Variants in BRINP3 observed in about 807,000 individuals in gnomAD.
The protein encoded by BRINP3 is BMP/retinoic acid-inducible neural-specific protein 3.
In BRINP3, 19 loss-of-function variants were observed where a neutral mutation model predicts 71.0. The ratio of observed to expected loss-of-function variants is 0.27; its 90% CI spans 0.19 to 0.39. The LOEUF (loss-of-function observed/expected upper bound fraction) is 0.39. BRINP3 is among the 10% of genes least tolerant of loss of function. The pLI is 1.00. For missense variants in BRINP3, 959 were observed against 940.8 expected (o/e 1.02, Z -0.25); for synonymous variants, 380 against 337.7 (o/e 1.13, Z -1.37).
rs113760872 is a variant in BRINP3 at position 190,153,713 on chromosome 1, G to A, written c.1184+6955C>T. ...TAGATTCTATAATATTAAAGAATTT[G>A]GGTCAGCCATGGTGGCTCATGCCTG... On this transcript the variant is annotated intron_variant, in intron 7 of 7. Transcript: ENST00000367462. Among the ~76,000 whole-genome samples, 532 of 152,158 alleles carry A rather than the reference G, an allele frequency of 3.5e-3. 4 individuals are homozygous for A. The highest frequency in any genetic ancestry group is 0.012 in the African/African-American group (504 of 41,524).
At chr1:190,274,626 A>C (rs1662392994) in intron 3 of BRINP3, among the ~76,000 whole-genome samples, 1 of 151,666 alleles carries the variant, frequency 6.6e-6, no homozygotes, top group African/African-American at 2.4e-5. Flanking sequence ...CCATATTATT[A>C]CTTGTGCTAA....
chr1:190,120,753 C>A (rs1005444529), intron 7 of BRINP3, among the ~76,000 whole-genome samples: 1 of 151,846 alleles, frequency 6.6e-6, no homozygotes, highest in Non-Finnish European at 1.5e-5. Context: ...TCCACCGCCT[C>A]GGCCTCCCAA....
At chr1:190,105,308 C>G in intron 7 of BRINP3, among the ~76,000 whole-genome samples, 1 of 152,114 alleles carries the variant, frequency 6.6e-6, no homozygotes, top group Admixed American at 6.6e-5. Flanking sequence ...CATACACACA[C>G]ACACACTTTA....
chr1:190,283,486 A>C (rs543650707), intron 2 of BRINP3, among the ~76,000 whole-genome samples: 1 of 151,810 alleles, frequency 6.6e-6, no homozygotes, highest in Non-Finnish European at 1.5e-5. Flanking sequence ...TATAGGCTGA[A>C]TTTATTATAA....
intron 2 of BRINP3, among the ~76,000 whole-genome samples, chr1:190,306,704 A>G (rs1665127112): frequency 6.6e-6 from 1 of 151,884 alleles, no homozygotes; most frequent in South Asian, 2.1e-4. Context: ...CAACTATTTT[A>G]GCACAGATAA....
chr1:190,437,606 G>A (rs552147431), intron 2 of BRINP3, among the ~76,000 whole-genome samples: 1 of 151,882 alleles, frequency 6.6e-6, no homozygotes, highest in Non-Finnish European at 1.5e-5. Context: ...ACACTCACGT[G>A]CAGTGGTAAG....
Position 190,264,965 on chromosome 1 carries a change from G to T in BRINP3, c.518C>A (p.Thr173Asn), listed in dbSNP as rs201785882. 36 of 1,612,800 alleles carry T rather than the reference G, an allele frequency of 2.2e-5. No individual in the cohort carries two copies. In the East Asian group the frequency reaches 6.0e-4, roughly 27 times the overall value. ...GGCTAGCTGATGTAGCGTCTCCAGA[G>T]TGACCGAAGAGCTATTGGTGGTGGA... ...SDSTTNSSSV[T>N]LETLHQLAAS... Residue 173 changes from threonine (T) to asparagine (N), a missense_variant, in exon 4 of 8, where the codon ACT (threonine) becomes AAT (asparagine). Physicochemically the swap from Thr to Asn is moderately conservative, Grantham distance 65. Coordinates refer to ENST00000367462, the MANE Select transcript of BRINP3 (RefSeq NM_199051.3).
chr1:190,150,920 C>G (rs192337565), intron 7 of BRINP3, among the ~76,000 whole-genome samples: 1 of 151,956 alleles, frequency 6.6e-6, no homozygotes, highest in Non-Finnish European at 1.5e-5. Context: ...TTCTGATATA[C>G]GAGATGGGAT....
chr1:190,251,501 G>A (rs1037050003), intron 4 of BRINP3, among the ~76,000 whole-genome samples: 3 of 151,898 alleles, frequency 2.0e-5, no homozygotes, highest in African/African-American at 7.2e-5. Flanking sequence ...TAGAATTAGA[G>A]CTCTTCATTT....
intron 6 of BRINP3, among the ~76,000 whole-genome samples, chr1:190,197,923 G>C (rs1468401909): frequency 6.6e-6 from 1 of 152,094 alleles, no homozygotes; most frequent in Admixed American, 6.6e-5. Context: ...CCTTAACAGA[G>C]GGTCCCCATA....
intron 6 of BRINP3, among the ~76,000 whole-genome samples, chr1:190,180,778 C>T (rs1346198055): frequency 6.6e-6 from 1 of 151,914 alleles, no homozygotes; most frequent in Non-Finnish European, 1.5e-5. Flanking sequence ...CTTTATATAA[C>T]ACGTCATTAT....
chr1:190,468,873 T>C (rs918712237), intron 1 of BRINP3, among the ~76,000 whole-genome samples: 1 of 151,046 alleles, frequency 6.6e-6, no homozygotes, highest in Non-Finnish European at 1.5e-5. Context: ...ATTTTTTTTT[T>C]CAGGAGACCC....
Position 190,453,201 on chromosome 1 carries a change from G to GTTTTTTTT in BRINP3, c.236+1453_236+1454insAAAAAAAA, listed in dbSNP as rs745819844. 2.6e-3 allele frequency among the ~76,000 whole-genome samples: 100 copies of GTTTTTTTT among 37,824 alleles called. 1 individual carries two copies. Among genetic ancestry groups the GTTTTTTTT allele is most frequent in the Non-Finnish European group, 5.2e-3 (85 of 16,408 alleles). The allele number at this position is 37,824 out of a possible 152,430, so 24.8% of individuals were successfully genotyped here. A position where few individuals can be genotyped will look rare whatever the true frequency, so the allele number is the denominator to read the frequency against. ...CTACTTTTCAGAAAGAAAAACTTTA[G>GTTTTTTTT]TATTTTTTTTTTTTTTTTTTTTTTT... On this transcript the variant is annotated intron_variant, in intron 2 of 7. Coordinates refer to ENST00000367462, the MANE Select transcript of BRINP3 (RefSeq NM_199051.3).
At chr1:190,470,263 T>C (rs371253157) in intron 1 of BRINP3, among the ~76,000 whole-genome samples, 61 of 151,092 alleles carry the variant, frequency 4.0e-4, no homozygotes, top group African/African-American at 1.4e-3. Flanking sequence ...TATCTATAAG[T>C]ATTCTTTCAC....
At chr1:190,308,406 A>T (rs1408350371) in intron 2 of BRINP3, among the ~76,000 whole-genome samples, 1 of 151,706 alleles carries the variant, frequency 6.6e-6, no homozygotes, top group East Asian at 1.9e-4. Context: ...TTCCAGCTTC[A>T]TCCTTGTCTC....
rs371343068 is a variant in BRINP3, at chr1:190,145,793, G to A, written c.1184+14875C>T. The stretch of plus-strand genomic sequence containing the variant: ...CAACCTAACTGCCCATCAACCAAAG[G>A]GTGAATAAAGAAAATGTTATTATGT... On this transcript the variant is annotated intron_variant, in intron 7 of 7. Transcript: ENST00000367462. Among the ~76,000 whole-genome samples, 14 of 151,922 alleles carry A rather than the reference G, an allele frequency of 9.2e-5. No individual in the cohort carries two copies. In the East Asian group the frequency reaches 2.3e-3, roughly 25 times the overall value.
At chr1:190,257,934 G>A (rs1660817759) in intron 4 of BRINP3, among the ~76,000 whole-genome samples, 2 of 152,158 alleles carry the variant, frequency 1.3e-5, no homozygotes, top group African/African-American at 4.8e-5. Context: ...GGCTACATGG[G>A]GGGTCAGGGA....
chr1:190,211,221 G>A (rs188385477), intron 6 of BRINP3, among the ~76,000 whole-genome samples: 5 of 152,144 alleles, frequency 3.3e-5, no homozygotes, highest in East Asian at 1.9e-4. Context: ...ATCTGAGATC[G>A]TGCCACTGCA....
At chr1:190,398,608 A>G (rs1325096341) in intron 2 of BRINP3, among the ~76,000 whole-genome samples, 1 of 152,040 alleles carries the variant, frequency 6.6e-6, no homozygotes, top group East Asian at 1.9e-4. Flanking sequence ...GTTTTATTTT[A>G]AAGAAAATTT....
Sources: allele counts gnomAD v4.1 joint callset (sites outside exome capture counted in the v4.1 genomes callset), GRCh38; gene constraint gnomAD v4.1.1; transcripts MANE v1.5; gene names NCBI Gene and HGNC (gene_info 2026-07-23, HGNC 2026-07-21).